Variants in DIAPH2 observed in about 807,000 individuals in gnomAD.
DIAPH2 encodes the protein protein diaphanous homolog 2.
Under a neutral mutation model 92.7 loss-of-function variants are expected in DIAPH2, and 35 were observed. That is an observed-to-expected ratio of 0.38 (90% CI 0.29 to 0.50). The LOEUF (loss-of-function observed/expected upper bound fraction) is 0.50, where lower values mean the gene tolerates loss of function less well. Ranked by LOEUF, DIAPH2 falls within the 20% of genes least tolerant of loss-of-function variation. The pLI is 0.94. For synonymous variants in DIAPH2, 301 were observed against 280.4 expected, an observed-to-expected ratio of 1.07 and a Z score of -0.73; for missense variants, 701 against 819.5, an observed-to-expected ratio of 0.86 and a Z score of 1.77.
chrX:97,298,678 G>T (rs1347097810), intron 23 of DIAPH2, among the ~76,000 whole-genome samples: 1 of 102,335 alleles, frequency 9.8e-6, no homozygotes, highest in East Asian at 3.1e-4. Flanking sequence ...GTAGTGGCGC[G>T]ATCTTGGCTC....
At chrX:96,887,022 G>A (rs1176109062) in intron 5 of DIAPH2, among the ~76,000 whole-genome samples, 1 of 110,692 alleles carries the variant, frequency 9.0e-6, no homozygotes, top group Non-Finnish European at 1.9e-5. Flanking sequence ...ATCCTGTGAG[G>A]GGAAATGTCC....
intron 26 of DIAPH2, among the ~76,000 whole-genome samples, chrX:97,504,531 G>A (rs756042500): frequency 1.8e-5 from 2 of 111,924 alleles, no homozygotes; most frequent in Non-Finnish European, 3.8e-5. Flanking sequence ...CTGTCAAAAT[G>A]CCCTTTTCAT....
chrX:96,696,035 A>G (rs915764159), intron 1 of DIAPH2, among the ~76,000 whole-genome samples: 7 of 112,285 alleles, frequency 6.2e-5, no homozygotes, highest in Non-Finnish European at 1.3e-4. Flanking sequence ...GAAATAAGCT[A>G]AATAGGATAT....
chrX:97,428,573 A>G (rs2070095222), intron 25 of DIAPH2, among the ~76,000 whole-genome samples: 1 of 111,183 alleles, frequency 9.0e-6, no homozygotes, highest in South Asian at 3.8e-4. Flanking sequence ...TTGTGATCTC[A>G]TACCCCATAG....
chrX:97,025,658 A>AAAACAAAC (rs747250452), intron 17 of DIAPH2, among the ~76,000 whole-genome samples: 1 of 111,197 alleles, frequency 9.0e-6, no homozygotes, highest in Non-Finnish European at 1.9e-5. Flanking sequence ...TCTCAAAAAC[A>AAAACAAAC]AAACAAACAA....
chrX:97,068,438 G>A (rs777351925), intron 17 of DIAPH2, among the ~76,000 whole-genome samples: 1 of 111,296 alleles, frequency 9.0e-6, no homozygotes, highest in Non-Finnish European at 1.9e-5. Flanking sequence ...GTTGTGTATT[G>A]CATATGTATT....
intron 17 of DIAPH2, among the ~76,000 whole-genome samples, chrX:97,024,285 A>G (rs2066316902): frequency 8.9e-6 from 1 of 112,446 alleles, no homozygotes; most frequent in Non-Finnish European, 1.9e-5. Flanking sequence ...TTATCAGTTA[A>G]TGTTACCAAA....
At chrX:97,217,364 C>T (rs2067891357) in intron 22 of DIAPH2, among the ~76,000 whole-genome samples, 1 of 111,571 alleles carries the variant, frequency 9.0e-6, no homozygotes, top group African/African-American at 3.3e-5. Flanking sequence ...TTTGGAAGCT[C>T]ACCTGCTGCA....
chrX:97,592,670 A>G (rs1008889269), intron 26 of DIAPH2, among the ~76,000 whole-genome samples: 2 of 112,152 alleles, frequency 1.8e-5, no homozygotes, highest in Non-Finnish European at 3.8e-5. Flanking sequence ...TATTTTCTAC[A>G]CAAAAGCACT....
At chrX:97,410,414 C>T (rs943119239) in intron 25 of DIAPH2, among the ~76,000 whole-genome samples, 3 of 111,646 alleles carry the variant, frequency 2.7e-5, no homozygotes, top group Non-Finnish European at 5.6e-5. Flanking sequence ...AGGTCACCAG[C>T]GTCAATGACC....
Position 96,941,963 on chromosome X carries a change from C to A in DIAPH2, c.1326-55C>A, listed in dbSNP as rs1390652827. 6 of 676,870 alleles carry A rather than the reference C, an allele frequency of 8.9e-6. No homozygotes were observed. The East Asian group carries it at 1.7e-4, about 19-fold the overall frequency. The allele number at this position is 676,870 out of a possible 1,213,427, so 55.8% of individuals were successfully genotyped here. On this transcript the variant is annotated intron_variant, in intron 12 of 26. Coordinates refer to ENST00000324765, the MANE Select transcript of DIAPH2 (RefSeq NM_006729.5). ...CTAATATGTTGAATGTTTTCTAAAG[C>A]AAATTGATCTGCATGGTTAGAAAGG...
chrX:97,292,232 C>T (rs151257665), intron 23 of DIAPH2, among the ~76,000 whole-genome samples: 3,418 of 110,243 alleles, frequency 0.031, 120 homozygotes, highest in African/African-American at 0.11. Context: ...CAGGGTCTTG[C>T]CATGTTGCCC....
At chrX:97,516,218 G>A (rs1175583250) in intron 26 of DIAPH2, among the ~76,000 whole-genome samples, 1 of 109,553 alleles carries the variant, frequency 9.1e-6, no homozygotes, top group African/African-American at 3.3e-5. Flanking sequence ...TCGCGCCACT[G>A]CATTCCAGCC....
At chrX:97,066,812 T>G (rs1435757891) in intron 17 of DIAPH2, among the ~76,000 whole-genome samples, 3 of 112,262 alleles carry the variant, frequency 2.7e-5, no homozygotes, top group Non-Finnish European at 5.6e-5. Flanking sequence ...CAGTAACATG[T>G]GCTTCCTGAT....
chrX:97,420,182 C>G, intron 25 of DIAPH2, among the ~76,000 whole-genome samples: 1 of 111,704 alleles, frequency 9.0e-6, no homozygotes, highest in Admixed American at 9.5e-5. Flanking sequence ...CTATCAAACT[C>G]TCTCACCTTA....
intron 25 of DIAPH2, among the ~76,000 whole-genome samples, chrX:97,397,844 A>C (rs754882010): frequency 1.8e-5 from 2 of 112,302 alleles, no homozygotes; most frequent in Non-Finnish European, 3.8e-5. Flanking sequence ...TGTGAAAGGA[A>C]AATGTGTTCC....
chrX:97,036,813 A>T (rs770954079), intron 17 of DIAPH2, among the ~76,000 whole-genome samples: 2 of 111,859 alleles, frequency 1.8e-5, no homozygotes, highest in East Asian at 5.7e-4. Flanking sequence ...TTATGGGAAC[A>T]TGTTTGACTT....
intron 22 of DIAPH2, among the ~76,000 whole-genome samples, chrX:97,213,229 A>G (rs900519404): frequency 2.9e-4 from 32 of 111,681 alleles, no homozygotes; most frequent in Non-Finnish European, 5.8e-4. Context: ...ATGTGTTAAA[A>G]TAATAGACAT....
chrX:97,370,927 A>G (rs968667111), intron 24 of DIAPH2, among the ~76,000 whole-genome samples: 1 of 112,270 alleles, frequency 8.9e-6, no homozygotes, highest in African/African-American at 3.2e-5. Flanking sequence ...GTAGGACAGG[A>G]TTCAGCAGAT....
Sources: gnomAD v4.1 joint callset for allele counts (sites outside exome capture counted in the v4.1 genomes callset) on GRCh38, gnomAD v4.1.1 for gene constraint, MANE v1.5 for transcripts, NCBI Gene and HGNC (gene_info 2026-07-23, HGNC 2026-07-21) for gene names.